Variants in OPN1LW observed in about 807,000 individuals in gnomAD.
OPN1LW encodes the protein opsin 1, long wave sensitive.
A neutral mutation model predicts 18.1 loss-of-function variants in OPN1LW; 4 were observed. The observed-to-expected ratio is 0.22, with a 90% confidence interval of 0.11 to 0.51. OPN1LW has a LOEUF of 0.51. OPN1LW is among the 20% of genes least tolerant of loss of function. The pLI is 0.97. For missense variants in OPN1LW, 164 were observed against 234.9 expected, an observed-to-expected ratio of 0.70 and a Z score of 1.97; for synonymous variants, 86 against 101.2, an observed-to-expected ratio of 0.85 and a Z score of 0.90.
rs2067085588 is a variant in OPN1LW at position 154,156,467 on chromosome X, G to A, written c.918G>A (p.Leu306=). 2 of 1,202,798 alleles carry A rather than the reference G, an allele frequency of 1.7e-6. No homozygotes were observed. The highest frequency in any genetic ancestry group is 2.2e-5 in the Admixed American group (1 of 45,533). Reference sequence around the variant, plus strand: ...CCTTCCACCCTTTGATGGCTGCCCTGCCGGCCTACTTTGCCAAAAGTGCCA... The same window carrying A: ...CCTTCCACCCTTTGATGGCTGCCCTACCGGCCTACTTTGCCAAAAGTGCCA... ...GYAFHPLMAA[L]PAYFAKSATI... is the part of the protein sequence containing the mutation. Residue 306 remains leucine, a synonymous_variant, in exon 5 of 6, where the codon CTG becomes CTA. Transcript: ENST00000369951.
intron 1 of OPN1LW, among the ~76,000 whole-genome samples, chrX:154,148,309 C>T (rs1475071795): frequency 1.9e-5 from 2 of 102,918 alleles, no homozygotes; most frequent in Non-Finnish European, 3.8e-5. Context: ...TCTGTCACCC[C>T]GGCTGGAGTG....
At chrX:154,154,201 C>A (rs1407053136) in intron 3 of OPN1LW, among the ~76,000 whole-genome samples, 2 of 99,866 alleles carry the variant, frequency 2.0e-5, no homozygotes, top group Non-Finnish European at 4.0e-5. Context: ...TGGGCTCGAG[C>A]AATCCTCCTA....
chrX:154,151,044 C>A lies in OPN1LW; in HGVS notation c.409+92C>A, dbSNP rs782400320. Reference sequence around the variant, plus strand: ...TCATGATGATCGGGGCCCAGCTGCTCCTGTAGGCCTGTCTCCCTCCCCATC... The same window carrying A: ...TCATGATGATCGGGGCCCAGCTGCTACTGTAGGCCTGTCTCCCTCCCCATC... On this transcript the variant is annotated intron_variant, in intron 2 of 5. Transcript: ENST00000369951. The A allele has an allele frequency of 8.8e-4, 994 of 1,133,016 alleles. 9 individuals carry two copies. The highest frequency in any genetic ancestry group is 1.1e-3 in the Non-Finnish European group (908 of 840,512). The allele number at this position is 1,133,016 out of a possible 1,213,427, so 93.4% of individuals were successfully genotyped here. A position where few individuals can be genotyped will look rare whatever the true frequency, so the allele number is the denominator to read the frequency against.
intron 1 of OPN1LW, among the ~76,000 whole-genome samples, chrX:154,148,603 C>A (rs2067063483): frequency 9.7e-6 from 1 of 103,185 alleles, no homozygotes; most frequent in Admixed American, 1.0e-4. Flanking sequence ...TAATCATAAT[C>A]ATAATCAGGA....
At chrX:154,146,215 CA>C (rs1297140863) in intron 1 of OPN1LW, among the ~76,000 whole-genome samples, 2 of 86,719 alleles carry the variant, frequency 2.3e-5, no homozygotes, top group East Asian at 3.4e-4. Context: ...CGTAGCCTAA[CA>C]GGCCCCTCTG....
rs782163373 is a variant in OPN1LW, at chrX:154,144,328, G to A, written c.45G>A (p.Pro15=). 69 of 1,194,711 alleles carry A rather than the reference G, an allele frequency of 5.8e-5. No individual in the cohort carries two copies. Among genetic ancestry groups the A allele is most frequent in the African/African-American group, 1.5e-4 (8 of 54,795 alleles). Residue 15 remains proline (P), a synonymous_variant, in exon 1 of 6, where the codon CCG becomes CCA. Coordinates refer to ENST00000369951, the MANE Select transcript of OPN1LW (RefSeq NM_020061.6). The stretch of plus-strand genomic sequence containing the variant: ...TCCAAAGGCTCGCAGGCCGCCATCC[G>A]CAGGACAGCTATGAGGACAGCACCC... The part of the protein sequence containing the change: ...WSLQRLAGRH[P]QDSYEDSTQS...
intron 4 of OPN1LW, 80 bp downstream of exon 4, chrX:154,154,819 CCTAAA>C (rs2067081098): frequency 1.2e-6 from 1 of 806,120 alleles, no homozygotes; most frequent in Non-Finnish European, 1.8e-6. Context: ...CACTGAGACT[CCTAAA>C]CTATTTTTCC....
intron 1 of OPN1LW, among the ~76,000 whole-genome samples, chrX:154,149,637 G>A (rs1360043086): frequency 2.7e-5 from 2 of 73,901 alleles, no homozygotes; most frequent in African/African-American, 1.4e-4. Context: ...TCTGGAGGCT[G>A]GAAGTCAGGG....
At position 154,144,381 on chromosome X, in the gene OPN1LW, G is replaced by A. The variant is rs781989269; in HGVS notation, c.98G>A (p.Ser33Asn). Residue 33 changes from serine (S) to asparagine (N), a missense_variant, in exon 1 of 6, where the codon AGC becomes AAC. This residue lies in a region of OPN1LW where 106 missense variants were observed against 167.7 expected (regional missense o/e 0.63). Coordinates refer to ENST00000369951, the MANE Select transcript of OPN1LW (RefSeq NM_020061.6). ...TCCAGCATCTTCACCTACACCAACA[G>A]CAACTCCACCAGAGGTGAGCCAGCA... ...TQSSIFTYTNSNSTRGPFEGP... is the reference protein window; with the variant it reads ...TQSSIFTYTNNNSTRGPFEGP... 11 of 1,168,898 alleles carry A rather than the reference G, an allele frequency of 9.4e-6. No homozygotes were observed. Among genetic ancestry groups the A allele is most frequent in the Non-Finnish European group, 1.0e-5 (9 of 870,693 alleles).
chrX:154,154,241 G>A (rs2148784735), intron 3 of OPN1LW, among the ~76,000 whole-genome samples: 1 of 100,813 alleles, frequency 9.9e-6, no homozygotes, highest in South Asian at 3.9e-4. Context: ...TGGGACTATA[G>A]GCGTGAGCCA....
rs1305729934 is a variant in OPN1LW, at chrX:154,148,886, G to A, written c.113-1770G>A. Among the ~76,000 whole-genome samples, 2 of 105,404 alleles carry A rather than the reference G, an allele frequency of 1.9e-5. 1 individual carries two copies. The highest frequency in any genetic ancestry group is 8.1e-5 in the African/African-American group (2 of 24,549). 91.5% of individuals were successfully genotyped at this position (105,404 alleles called of 115,157 possible). ...TGAGAAAGACAAGACTTGTACTTGT[G>A]TCTCAGTACTGGCTGCTATAAGAAA... On this transcript the variant is annotated intron_variant, in intron 1 of 5. Transcript: ENST00000369951.
At chrX:154,145,738 G>A (rs1374455524) in intron 1 of OPN1LW, among the ~76,000 whole-genome samples, 2 of 97,783 alleles carry the variant, frequency 2.0e-5, no homozygotes, top group African/African-American at 3.9e-5. Context: ...CTTTTCAAAT[G>A]TCGGGGTGGG....
Position 154,144,310 on chromosome X carries a change from G to C in OPN1LW, c.27G>C (p.Arg9Ser). MAQQWSLQ[R>S]LAGRHPQDSY... ...TGGCCCAGCAGTGGAGCCTCCAAAGGCTCGCAGGCCGCCATCCGCAGGACA... is the reference window on the plus strand; with the variant it reads ...TGGCCCAGCAGTGGAGCCTCCAAAGCCTCGCAGGCCGCCATCCGCAGGACA... The change falls in exon 1 of 6, where the codon AGG becomes AGC. Residue 9 changes from arginine (R) to serine (S), a missense_variant. This residue lies in a region of OPN1LW where 106 missense variants were observed against 167.7 expected (regional missense o/e 0.63). Coordinates refer to ENST00000369951, the MANE Select transcript of OPN1LW (RefSeq NM_020061.6). 2.5e-6 allele frequency: 3 copies of C among 1,199,988 alleles called. No individual in the cohort carries two copies. In the East Asian group the frequency reaches 9.0e-5, roughly 36 times the overall value.
chrX:154,148,373 C>A (rs2067062631), intron 1 of OPN1LW, among the ~76,000 whole-genome samples: 1 of 103,589 alleles, frequency 9.7e-6, no homozygotes, highest in African/African-American at 4.2e-5. Context: ...TCAAGTGATT[C>A]TCCCGCCTCA....
chrX:154,150,867 T>C lies in OPN1LW; in HGVS notation c.324T>C (p.Thr108=). Residue 108 remains threonine (T), a synonymous_variant, in exon 2 of 6, where the codon ACT becomes ACC. Coordinates refer to ENST00000369951, the MANE Select transcript of OPN1LW (RefSeq NM_020061.6). ...ADLAETVIAS[T]ISIVNQVSGY... ...TAGCAGAGACCGTCATCGCCAGCACTATCAGCATTGTGAACCAGGTCTCTG... is the reference window on the plus strand; with the variant it reads ...TAGCAGAGACCGTCATCGCCAGCACCATCAGCATTGTGAACCAGGTCTCTG... The C allele has an allele frequency of 8.4e-7, 1 of 1,195,687 alleles. No homozygotes were observed. The highest frequency in any genetic ancestry group is 2.2e-5 in the Admixed American group (1 of 45,554).
chrX:154,150,800 A>G lies in OPN1LW; in HGVS notation c.257A>G (p.His86Arg). 8.3e-7 allele frequency: 1 copy of G among 1,201,436 alleles called. No homozygotes were observed. Among genetic ancestry groups the G allele is most frequent in the Non-Finnish European group, 1.1e-6 (1 of 890,729 alleles). The change falls in exon 2 of 6, where the codon CAC becomes CGC. Residue 86 changes from histidine (H) to arginine (R), a missense_variant. His to Arg is a conservative substitution (Grantham distance 29, BLOSUM62 0). This residue lies in a region of OPN1LW where 106 missense variants were observed against 167.7 expected (regional missense o/e 0.63). Coordinates refer to ENST00000369951, the MANE Select transcript of OPN1LW (RefSeq NM_020061.6). ...AATMKFKKLR[H>R]PLNWILVNLA... ...ACCATGAAGTTCAAGAAGCTGCGCC[A>G]CCCGCTGAACTGGATCCTGGTGAAC...
rs781925997 is a variant in OPN1LW at position 154,148,974 on chromosome X, G to A, written c.113-1682G>A. Among the ~76,000 whole-genome samples the A allele has an allele frequency of 1.9e-5, 2 of 104,249 alleles. 1 individual carries two copies. Among genetic ancestry groups the A allele is most frequent in the African/African-American group, 8.3e-5 (2 of 24,045 alleles). The allele number at this position is 104,249 out of a possible 115,157, so 90.5% of individuals were successfully genotyped here. A position where few individuals can be genotyped will look rare whatever the true frequency, so the allele number is the denominator to read the frequency against. On this transcript the variant is annotated intron_variant, in intron 1 of 5. Coordinates refer to ENST00000369951, the MANE Select transcript of OPN1LW (RefSeq NM_020061.6). ...TAATCCCAGCACTTTGGGAGGCCGA[G>A]GCAGGCGGATCACGAGGTCAGGAGA...
intron 3 of OPN1LW, among the ~76,000 whole-genome samples, chrX:154,154,009 G>C (rs1603345361): frequency 1.1e-5 from 1 of 87,537 alleles, no homozygotes; most frequent in Non-Finnish European, 2.2e-5. Context: ...TGTCACTCAG[G>C]CTGGCACAGT....
At chrX:154,149,230 G>C (rs2067066345) in intron 1 of OPN1LW, among the ~76,000 whole-genome samples, 1 of 96,629 alleles carries the variant, frequency 1.0e-5, no homozygotes, top group African/African-American at 4.7e-5. Flanking sequence ...AAAAAGAAAA[G>C]AAAAATAAAT....
Sources: gnomAD v4.1 joint callset for allele counts (sites outside exome capture counted in the v4.1 genomes callset) on GRCh38, gnomAD v4.1.1 for gene constraint, gnomAD v4.1.1 regional missense constraint, MANE v1.5 for transcripts, NCBI Gene and HGNC (gene_info 2026-07-23, HGNC 2026-07-21) for gene names.